AK9: variants seen among roughly 807,000 people sequenced by gnomAD.
The protein encoded by AK9 is adenylate kinase 9.
A neutral mutation model predicts 239.6 loss-of-function variants in AK9; 191 were observed. The observed-to-expected ratio is 0.80, with a 90% CI of 0.71 to 0.90. The LOEUF is 0.90. Among genes scored for constraint, AK9 ranks in the 40% least tolerant of loss-of-function variants. The pLI is 0.00. For synonymous variants in AK9, 689 were observed against 721.0 expected (o/e 0.96, Z 0.71); for missense variants, 1,995 against 2,214.7 (o/e 0.90, Z 1.99).
chr6:109,621,769 C>A (rs1794840273), intron 12 of AK9, among the ~76,000 whole-genome samples: 1 of 143,042 alleles, frequency 7.0e-6, no homozygotes, highest in Admixed American at 7.1e-5. Context: ...GGAGGGATAG[C>A]ATTGGGAGAT....
intron 1 of AK9, among the ~76,000 whole-genome samples, chr6:109,690,915 G>A (rs1774293675): frequency 1.3e-5 from 2 of 152,142 alleles, no homozygotes; most frequent in Admixed American, 6.5e-5. Flanking sequence ...TGGATTAGAG[G>A]TGAGGGGAAA....
chr6:109,502,357 CAT>C (rs1438058064), intron 35 of AK9, among the ~76,000 whole-genome samples: 1 of 152,106 alleles, frequency 6.6e-6, no homozygotes, highest in Non-Finnish European at 1.5e-5. Context: ...GGGAGAATGA[CAT>C]GTGAAGACAC....
chr6:109,563,816 T>C, intron 23 of AK9, 104 bp from the exon 24 acceptor site: 1 of 1,315,330 alleles, frequency 7.6e-7, no homozygotes, highest in Non-Finnish European at 1.0e-6. Flanking sequence ...TTATTATTAG[T>C]CTCTTAGATT....
intron 24 of AK9, among the ~76,000 whole-genome samples, chr6:109,562,614 G>C (rs1785920566): frequency 6.6e-6 from 1 of 152,144 alleles, no homozygotes; most frequent in South Asian, 2.1e-4. Flanking sequence ...TAAATTACTT[G>C]GAAGCAGTTT....
chr6:109,629,165 AACT>A (rs1384445591), intron 12 of AK9, among the ~76,000 whole-genome samples: 7 of 152,034 alleles, frequency 4.6e-5, no homozygotes, highest in Admixed American at 4.6e-4. Context: ...GCTGGCCTCA[AACT>A]CCTAGACTCA....
At chr6:109,657,365 TATATA>T (rs1348971325) in intron 7 of AK9, among the ~76,000 whole-genome samples, 1 of 151,962 alleles carries the variant, frequency 6.6e-6, no homozygotes, top group African/African-American at 2.4e-5. Context: ...CACAAATAAA[TATATA>T]ATATATTAGG....
intron 12 of AK9, chr6:109,632,693 G>A (rs1421778762): frequency 1.9e-6 from 2 of 1,077,032 alleles, no homozygotes; most frequent in Non-Finnish European, 2.4e-6. Context: ...GGAGCTTTTG[G>A]GAAGCAGGGA....
chr6:109,672,041 A>G lies in AK9; in HGVS notation c.235-26T>C, dbSNP rs370389952. ...CTAAGGACAAGCATAGATATTGTAC[A>G]TTACTGTATAATATATCTATGATAC... On this transcript the variant is annotated intron_variant, in intron 4 of 40. Transcript: ENST00000424296. 54 of 1,612,474 alleles carry G rather than the reference A, an allele frequency of 3.3e-5. 1 individual carries two copies. The highest frequency in any genetic ancestry group is 2.5e-4 in the East Asian group (11 of 44,844).
In AK9 at chr6:109,506,436, C is replaced by A; in HGVS notation, c.4740G>T (p.Trp1580Cys). Residue 1580 changes from tryptophan to cysteine, a missense_variant, in exon 35 of 41, where the codon TGG becomes TGT. Transcript: ENST00000424296. ...RQYYQEQHQN[W>C]YVIDGFHSKW... is the part of the protein sequence containing the mutation. ...TGCTGTGAAATCCATCAATCACATACCAGTTCTGATGCTGTTCTTGATAAT... is the reference window on the plus strand; with the variant it reads ...TGCTGTGAAATCCATCAATCACATAACAGTTCTGATGCTGTTCTTGATAAT... 1 of 1,613,754 alleles carries A rather than the reference C, an allele frequency of 6.2e-7. No individual in the cohort carries two copies. Among genetic ancestry groups the A allele is most frequent in the Non-Finnish European group, 8.5e-7 (1 of 1,179,912 alleles).
chr6:109,536,459 C>T (rs1782007405), intron 27 of AK9, among the ~76,000 whole-genome samples: 1 of 152,168 alleles, frequency 6.6e-6, no homozygotes, highest in African/African-American at 2.4e-5. Flanking sequence ...ACTTTGTATC[C>T]TGAGACTTTG....
chr6:109,504,744 G>A (rs1013714835), intron 35 of AK9, among the ~76,000 whole-genome samples: 1 of 152,204 alleles, frequency 6.6e-6, no homozygotes, highest in Non-Finnish European at 1.5e-5. Flanking sequence ...GGGAAGGGGA[G>A]GTTGCAGTGA....
intron 29 of AK9, among the ~76,000 whole-genome samples, chr6:109,519,109 A>G (rs1779565738): frequency 6.6e-6 from 1 of 152,162 alleles, no homozygotes; most frequent in South Asian, 2.1e-4. Context: ...AATGGCTTCC[A>G]GCTGCATCCA....
chr6:109,631,502 A>G (rs1243501163), intron 12 of AK9, among the ~76,000 whole-genome samples: 3 of 152,198 alleles, frequency 2.0e-5, no homozygotes, highest in Admixed American at 6.5e-5. Context: ...ACTCACTAAA[A>G]TGGCTAGAAT....
chr6:109,620,921 T>C lies in AK9; in HGVS notation c.1255-1685A>G, dbSNP rs927992004. Among the ~76,000 whole-genome samples, 5 of 151,906 alleles carry C rather than the reference T, an allele frequency of 3.3e-5. No individual in the cohort carries two copies. In the Admixed American group the frequency reaches 3.3e-4, roughly 10 times the overall value. ...CTGATAAGAGCATAACCATTAGGCA[T>C]AGGAATTGGAAATACATATGCAAGC... On this transcript the variant is annotated intron_variant, in intron 12 of 40. Coordinates refer to ENST00000424296, the MANE Select transcript of AK9 (RefSeq NM_001145128.3).
intron 1 of AK9, among the ~76,000 whole-genome samples, chr6:109,686,298 T>C (rs1302937813): frequency 2.0e-5 from 3 of 152,198 alleles, no homozygotes; most frequent in Non-Finnish European, 4.4e-5. Flanking sequence ...AGTTTGAAGG[T>C]CTTATTACTT....
intron 15 of AK9, among the ~76,000 whole-genome samples, chr6:109,613,306 C>T (rs575075536): frequency 1.1e-3 from 164 of 151,850 alleles, no homozygotes; most frequent in African/African-American, 3.9e-3. Flanking sequence ...AAAGTTTATA[C>T]AGAGACTATA....
At chr6:109,610,536 A>G in intron 16 of AK9, 23 bp from the exon 17 acceptor site, 1 of 1,540,522 alleles carries the variant, frequency 6.5e-7, no homozygotes, top group Non-Finnish European at 8.8e-7. Flanking sequence ...AAGCTGATAA[A>G]TTAATGCCAT....
intron 17 of AK9, among the ~76,000 whole-genome samples, chr6:109,597,086 A>T (rs1233173880): frequency 6.6e-6 from 1 of 151,844 alleles, no homozygotes; most frequent in African/African-American, 2.4e-5. Context: ...GTTTTTTTTT[A>T]CAACATCTGT....
chr6:109,539,850 G>C (rs148317318), intron 27 of AK9, among the ~76,000 whole-genome samples: 2,881 of 152,272 alleles, frequency 0.019, 30 homozygotes, highest in South Asian at 0.03. Flanking sequence ...AGATTTGTTG[G>C]AGTTTGCTGG....
Sources: allele counts gnomAD v4.1 joint callset (sites outside exome capture counted in the v4.1 genomes callset), GRCh38; gene constraint gnomAD v4.1.1; transcripts MANE v1.5; gene names NCBI Gene and HGNC (gene_info 2026-07-23, HGNC 2026-07-21).